SDK1: variants seen among roughly 807,000 people sequenced by gnomAD.
The protein encoded by SDK1 is protein sidekick-1.
SDK1 carries 157 observed loss-of-function variants against 245.5 expected under a neutral mutation model. The observed-to-expected ratio is 0.64, with a 90% CI of 0.56 to 0.73. The LOEUF (loss-of-function observed/expected upper bound fraction) is 0.73. SDK1 is among the 30% of genes least tolerant of loss of function. SDK1 has a pLI of 0.00. For missense variants in SDK1, 3,583 were observed against 3,002.3 expected (o/e 1.19, Z -4.52); for synonymous variants, 1,647 against 1,278.5 (o/e 1.29, Z -6.15).
intron 13 of SDK1, among the ~76,000 whole-genome samples, chr7:3,978,673 C>T (rs1234649210): frequency 6.6e-6 from 1 of 152,156 alleles, no homozygotes; most frequent in Non-Finnish European, 1.5e-5. Flanking sequence ...CCCGTGATTG[C>T]AGGGCATTCT....
chr7:3,562,375 C>G (rs754988808), intron 1 of SDK1, among the ~76,000 whole-genome samples: 1 of 152,146 alleles, frequency 6.6e-6, no homozygotes, highest in Non-Finnish European at 1.5e-5. Context: ...AAAAATTTGC[C>G]TAGGTTTCGG....
intron 4 of SDK1, among the ~76,000 whole-genome samples, chr7:3,796,600 C>T (rs1024656771): frequency 6.6e-6 from 1 of 152,206 alleles, no homozygotes; most frequent in Non-Finnish European, 1.5e-5. Flanking sequence ...CCACTTCTTA[C>T]CATCTCCCTC....
intron 1 of SDK1, among the ~76,000 whole-genome samples, chr7:3,599,182 A>G (rs954808273): frequency 8.4e-5 from 12 of 142,414 alleles, no homozygotes; most frequent in African/African-American, 3.2e-4. Flanking sequence ...ATGTGCAGTG[A>G]TATCTCATGG....
intron 4 of SDK1, among the ~76,000 whole-genome samples, chr7:3,723,726 G>A (rs866313256): frequency 2.7e-5 from 4 of 149,990 alleles, no homozygotes; most frequent in Admixed American, 2.0e-4. Flanking sequence ...GTATATACAC[G>A]TACATATACA....
At chr7:3,361,444 C>A (rs1003937942) in intron 1 of SDK1, among the ~76,000 whole-genome samples, 1 of 152,228 alleles carries the variant, frequency 6.6e-6, no homozygotes, top group African/African-American at 2.4e-5. Flanking sequence ...TTGCCCTTGG[C>A]TTCTCTTCCC....
intron 30 of SDK1, among the ~76,000 whole-genome samples, chr7:4,152,049 G>C (rs892301194): frequency 2.0e-5 from 3 of 152,186 alleles, no homozygotes; most frequent in Non-Finnish European, 2.9e-5. Flanking sequence ...TCCAACCCTT[G>C]GCTGCCTGCT....
At chr7:3,420,756 ATTTAAT>A (rs1227164232) in intron 1 of SDK1, among the ~76,000 whole-genome samples, 4 of 152,196 alleles carry the variant, frequency 2.6e-5, no homozygotes, top group Non-Finnish European at 5.9e-5. Flanking sequence ...ATTTTTTAAA[ATTTAAT>A]TTTAAGTTCC....
At chr7:3,809,316 C>G (rs1252883984) in intron 4 of SDK1, among the ~76,000 whole-genome samples, 1 of 152,126 alleles carries the variant, frequency 6.6e-6, no homozygotes, top group African/African-American at 2.4e-5. Flanking sequence ...GAGAAATCCA[C>G]CCTCAAGACT....
At chr7:3,567,356 C>T (rs1455643181) in intron 1 of SDK1, among the ~76,000 whole-genome samples, 3 of 152,170 alleles carry the variant, frequency 2.0e-5, no homozygotes, top group African/African-American at 4.8e-5. Flanking sequence ...AATGCCTAGT[C>T]AGTAGCAGCT....
At chr7:3,576,574 T>C (rs1246134987) in intron 1 of SDK1, among the ~76,000 whole-genome samples, 2 of 152,124 alleles carry the variant, frequency 1.3e-5, no homozygotes, top group African/African-American at 2.4e-5. Context: ...GGTTGTACTT[T>C]AGTAAATCTG....
intron 4 of SDK1, among the ~76,000 whole-genome samples, chr7:3,667,616 A>T (rs1160635125): frequency 6.6e-6 from 1 of 152,184 alleles, no homozygotes; most frequent in Admixed American, 6.5e-5. Context: ...TTCCTCCACC[A>T]GGAGACCCTG....
chr7:4,265,083 G>A, intron 44 of SDK1, 41 bp from the exon 45 acceptor site: 2 of 1,591,792 alleles, frequency 1.3e-6, no homozygotes, highest in Non-Finnish European at 8.5e-7. Flanking sequence ...CGGGCCCTGC[G>A]CCCTGCCCTG....
At chr7:3,907,237 A>G (rs1373203515) in intron 5 of SDK1, among the ~76,000 whole-genome samples, 1 of 152,142 alleles carries the variant, frequency 6.6e-6, no homozygotes, top group African/African-American at 2.4e-5. Context: ...ATCTATTTCA[A>G]AAATGTTTTA....
intron 2 of SDK1, among the ~76,000 whole-genome samples, chr7:3,638,453 C>A (rs1190394941): frequency 1.3e-5 from 2 of 151,350 alleles, no homozygotes; most frequent in Non-Finnish European, 1.5e-5. Flanking sequence ...ACTATGCAGC[C>A]ATAAAAAATG....
At chr7:3,387,764 T>C (rs950613133) in intron 1 of SDK1, among the ~76,000 whole-genome samples, 31 of 152,318 alleles carry the variant, frequency 2.0e-4, no homozygotes, top group African/African-American at 7.5e-4. Context: ...TGGAAAAATA[T>C]ATTGCTTAAT....
At chr7:4,060,185 AT>A (rs1779447174) in intron 19 of SDK1, among the ~76,000 whole-genome samples, 1 of 152,160 alleles carries the variant, frequency 6.6e-6, no homozygotes, top group East Asian at 1.9e-4. Context: ...CCGGCCAGAA[AT>A]TTCTTGAAAC....
chr7:3,716,750 C>A (rs1322848436), intron 4 of SDK1, among the ~76,000 whole-genome samples: 4 of 149,278 alleles, frequency 2.7e-5, no homozygotes, highest in African/African-American at 4.9e-5. Flanking sequence ...CAAAGTGAGA[C>A]CCTGTCTCAC....
At chr7:3,824,233 C>T (rs1779715368) in intron 5 of SDK1, among the ~76,000 whole-genome samples, 1 of 152,104 alleles carries the variant, frequency 6.6e-6, no homozygotes, top group Non-Finnish European at 1.5e-5. Flanking sequence ...AGAGTGTGTT[C>T]TGCAGACTTA....
At chr7:3,547,035 A>AAG (rs796784635) in intron 1 of SDK1, among the ~76,000 whole-genome samples, 13 of 152,314 alleles carry the variant, frequency 8.5e-5, no homozygotes, top group African/African-American at 3.1e-4. Flanking sequence ...AGATTAAAAA[A>AAG]TGTAGCTCAT....
Sources: gnomAD v4.1 joint callset for allele counts (sites outside exome capture counted in the v4.1 genomes callset) on GRCh38, gnomAD v4.1.1 for gene constraint, MANE v1.5 for transcripts, NCBI Gene and HGNC (gene_info 2026-07-23, HGNC 2026-07-21) for gene names.